AFF3: variants seen among roughly 807,000 people sequenced by gnomAD.
AFF3 encodes ALF transcription elongation factor 3.
In AFF3, 32 loss-of-function variants were observed where a neutral mutation model predicts 129.7. The observed-to-expected ratio is 0.25, with a 90% CI of 0.19 to 0.33. The LOEUF is 0.33. Ranked by LOEUF, AFF3 falls within the 10% of genes least tolerant of loss-of-function variation. AFF3 has a pLI of 1.00. For synonymous variants in AFF3, 644 were observed against 635.4 expected, an observed-to-expected ratio of 1.01 and a Z score of -0.20; for missense variants, 1,373 against 1,592.0, an observed-to-expected ratio of 0.86 and a Z score of 2.34.
intron 4 of AFF3, among the ~76,000 whole-genome samples, chr2:100,049,725 C>A (rs1686130509): frequency 6.6e-6 from 1 of 152,132 alleles, no homozygotes; most frequent in Admixed American, 6.5e-5. Context: ...CTCCATGACA[C>A]CATTTTTTAA....
At position 99,837,663 on chromosome 2, in the gene AFF3, G is replaced by A. The variant is rs1034208905; in HGVS notation, c.874-139C>T. Reference sequence around the variant, plus strand: ...TTGAGGGGATGCCTGACCTGGGACTGGCAGACAGGCTCCTTTCCCTAACAG... The same window carrying A: ...TTGAGGGGATGCCTGACCTGGGACTAGCAGACAGGCTCCTTTCCCTAACAG... On this transcript the variant is annotated intron_variant, in intron 7 of 24. Transcript: ENST00000672756. The A allele has an allele frequency of 8.7e-6, 6 of 690,000 alleles. No individual in the cohort carries two copies. In the African/African-American group the frequency reaches 9.0e-5, roughly 10 times the overall value. The allele number at this position is 690,000 out of a possible 1,614,324, so 42.7% of individuals were successfully genotyped here. A position where few individuals can be genotyped will look rare whatever the true frequency, so the allele number is the denominator to read the frequency against.
intron 2 of AFF3, among the ~76,000 whole-genome samples, chr2:100,116,317 A>C (rs1405495945): frequency 6.6e-6 from 1 of 151,884 alleles, no homozygotes; most frequent in African/African-American, 2.4e-5. Flanking sequence ...TTGCCTTTTA[A>C]TTAAAGAAAT....
At chr2:100,046,299 A>C (rs1166975810) in intron 4 of AFF3, among the ~76,000 whole-genome samples, 3 of 152,164 alleles carry the variant, frequency 2.0e-5, no homozygotes, top group African/African-American at 7.2e-5. Context: ...GTCCAGCCCC[A>C]CAGCTAGTCA....
intron 12 of AFF3, among the ~76,000 whole-genome samples, 199 bp downstream of exon 12, chr2:99,672,339 C>A (rs920432752): frequency 6.6e-6 from 1 of 152,076 alleles, no homozygotes; most frequent in African/African-American, 2.4e-5. Context: ...TAAAAAATTA[C>A]AGAATTCAAG....
At chr2:99,938,737 G>T (rs1453648241) in intron 7 of AFF3, among the ~76,000 whole-genome samples, 9 of 152,028 alleles carry the variant, frequency 5.9e-5, no homozygotes, top group African/African-American at 1.7e-4. Context: ...CTCTTCCCTG[G>T]GTGTCTAGCC....
chr2:99,893,113 G>C (rs954052126), intron 7 of AFF3, among the ~76,000 whole-genome samples: 6 of 152,142 alleles, frequency 3.9e-5, no homozygotes, highest in African/African-American at 1.4e-4. Context: ...GGTGAACCAT[G>C]ACCATTAACA....
intron 11 of AFF3, among the ~76,000 whole-genome samples, chr2:99,713,471 G>T (rs1245806246): frequency 6.6e-6 from 1 of 151,918 alleles, no homozygotes; most frequent in African/African-American, 2.4e-5. Context: ...GTTTCACCCT[G>T]TTGGCCAGGT....
intron 7 of AFF3, among the ~76,000 whole-genome samples, chr2:99,913,818 T>C (rs1695269381): frequency 6.6e-6 from 1 of 151,834 alleles, no homozygotes; most frequent in South Asian, 2.1e-4. Context: ...TCTCAGATAA[T>C]TTGACAAAAA....
intron 7 of AFF3, among the ~76,000 whole-genome samples, chr2:99,872,562 C>T (rs1691950098): frequency 6.7e-6 from 1 of 148,290 alleles, no homozygotes; most frequent in South Asian, 2.1e-4. Flanking sequence ...CACACAGTTC[C>T]CAATGAAGTC....
intron 8 of AFF3, among the ~76,000 whole-genome samples, chr2:99,822,032 AT>A (rs1687727804): frequency 6.6e-6 from 1 of 152,170 alleles, no homozygotes; most frequent in Non-Finnish European, 1.5e-5. Flanking sequence ...AAATATTGAT[AT>A]TTTAAAAAAA....
chr2:99,626,645 G>A (rs933180515), intron 13 of AFF3, among the ~76,000 whole-genome samples: 2 of 150,242 alleles, frequency 1.3e-5, no homozygotes, highest in South Asian at 2.2e-4. Flanking sequence ...TTATGTCACC[G>A]GGTTTGATGT....
At chr2:99,617,107 C>T (rs1307527015) in intron 13 of AFF3, among the ~76,000 whole-genome samples, 2 of 152,180 alleles carry the variant, frequency 1.3e-5, no homozygotes, top group Non-Finnish European at 2.9e-5. Context: ...TGGATAATGC[C>T]ACTATGAGCA....
rs771684956 is a variant in AFF3 at position 99,556,915 on chromosome 2, G to GA, written c.3285+1959dup. On this transcript the variant is annotated intron_variant, in intron 22 of 24. Coordinates refer to ENST00000672756, the MANE Select transcript of AFF3 (RefSeq NM_001386135.1). ...CTAGCCTGGGCAACAGAACGGGACA[G>GA]AAAAAAAAAAAAAGTCCTTGAAACT... Among the ~76,000 whole-genome samples the GA allele has an allele frequency of 1.5e-3, 201 of 135,420 alleles. 1 individual carries two copies. The highest frequency in any genetic ancestry group is 3.9e-3 in the Middle Eastern group (1 of 258). 88.8% of individuals were successfully genotyped at this position (135,420 alleles called of 152,430 possible).
chr2:99,870,016 G>A (rs1162965859), intron 7 of AFF3, among the ~76,000 whole-genome samples: 1 of 152,200 alleles, frequency 6.6e-6, no homozygotes, highest in African/African-American at 2.4e-5. Context: ...CATCTGCTGG[G>A]ACCCCATTAG....
intron 9 of AFF3, 66 bp from the exon 10 acceptor site, chr2:99,744,206 G>T: frequency 5.6e-6 from 8 of 1,419,234 alleles, no homozygotes; most frequent in East Asian, 2.3e-5. Flanking sequence ...TTAAACATGA[G>T]ATCATGTTTA....
intron 4 of AFF3, among the ~76,000 whole-genome samples, chr2:100,024,108 T>C (rs1308568438): frequency 6.6e-6 from 1 of 151,040 alleles, no homozygotes; most frequent in African/African-American, 2.4e-5. Context: ...GGCGGGCGCC[T>C]GTAGTCCCAG....
intron 8 of AFF3, among the ~76,000 whole-genome samples, chr2:99,828,806 T>C (rs1688302197): frequency 6.6e-6 from 1 of 152,158 alleles, no homozygotes; most frequent in African/African-American, 2.4e-5. Flanking sequence ...CACAGAGCCC[T>C]TCATGCTAGG....
chr2:100,039,587 G>A (rs1439180718), intron 4 of AFF3, among the ~76,000 whole-genome samples: 1 of 151,944 alleles, frequency 6.6e-6, no homozygotes, highest in Non-Finnish European at 1.5e-5. Context: ...CTCCCCCATG[G>A]CCAATGACCT....
chr2:99,768,701 G>A (rs1274297653), intron 8 of AFF3, among the ~76,000 whole-genome samples: 1 of 152,146 alleles, frequency 6.6e-6, no homozygotes, highest in Non-Finnish European at 1.5e-5. Context: ...AAATTCCTCA[G>A]CTTTTGTTTG....
Sources: gnomAD v4.1 joint callset for allele counts (sites outside exome capture counted in the v4.1 genomes callset) on GRCh38, gnomAD v4.1.1 for gene constraint, MANE v1.5 for transcripts, NCBI Gene and HGNC (gene_info 2026-07-23, HGNC 2026-07-21) for gene names.